VWDE: variants seen among roughly 807,000 people sequenced by gnomAD.
VWDE encodes von Willebrand factor D and EGF domain-containing protein.
In VWDE, 207 loss-of-function variants were observed where a neutral mutation model predicts 178.4. The observed-to-expected ratio is 1.16, with a 90% CI of 1.04 to 1.30. The LOEUF is 1.30. Among genes scored for constraint, VWDE ranks in the 50% most tolerant of loss-of-function variants. VWDE has a pLI of 0.00. For missense variants in VWDE, 2,287 were observed against 1,901.3 expected (o/e 1.20, Z -3.77); for synonymous variants, 738 against 651.4 (o/e 1.13, Z -2.02).
intron 4 of VWDE, among the ~76,000 whole-genome samples, chr7:12,381,269 G>C (rs1222097081): frequency 6.6e-6 from 1 of 152,074 alleles, no homozygotes; most frequent in African/African-American, 2.4e-5. Flanking sequence ...AAAGAAATTT[G>C]AAGTTTCCTC....
Position 12,336,239 on chromosome 7 carries a change from G to A in VWDE, c.4559-3C>T, listed in dbSNP as rs778922464. The A allele has an allele frequency of 1.3e-6, 2 of 1,550,156 alleles. No homozygotes were observed. Among genetic ancestry groups the A allele is most frequent in the South Asian group, 1.2e-5 (1 of 83,882 alleles). On this transcript the variant is annotated splice_region_variant and splice_polypyrimidine_tract_variant and intron_variant, in intron 26 of 28. Transcript: ENST00000275358. ...TTTACATTTCTGCAAGCAGATAGCT[G>A]CCAATCGAAATATAAACAAGTTAAA... is the stretch of plus-strand genomic sequence containing the variant.
intron 13 of VWDE, among the ~76,000 whole-genome samples, chr7:12,366,601 A>C (rs1427580314): frequency 6.6e-6 from 1 of 152,144 alleles, no homozygotes. Context: ...ACTTGTGTTT[A>C]ACTACTTGAT....
At chr7:12,400,813 T>G (rs1191455380) in intron 1 of VWDE, among the ~76,000 whole-genome samples, 1 of 151,654 alleles carries the variant, frequency 6.6e-6, no homozygotes, top group Admixed American at 6.6e-5. Context: ...AGTGAAAAAA[T>G]TTTCAGCAAA....
At chr7:12,402,371 A>G (rs1468533250) in intron 1 of VWDE, among the ~76,000 whole-genome samples, 3 of 152,236 alleles carry the variant, frequency 2.0e-5, no homozygotes, top group South Asian at 4.1e-4. Context: ...AGAAGTCTCA[A>G]TAAATGCATT....
At position 12,372,568 on chromosome 7, in the gene VWDE, A is replaced by T. The variant is rs140247620; in HGVS notation, c.1587+409T>A. Among the ~76,000 whole-genome samples, 1,380 of 152,204 alleles carry T rather than the reference A, an allele frequency of 9.1e-3. 26 individuals are homozygous for T. The highest frequency in any genetic ancestry group is 0.032 in the African/African-American group (1,329 of 41,556). On this transcript the variant is annotated intron_variant, in intron 10 of 28. Coordinates refer to ENST00000275358, the MANE Select transcript of VWDE (RefSeq NM_001135924.3). ...AAGAATTAAAAATATTAGTGAATAT[A>T]TAATCTTAGGTTTGTTTCCTGACTT...
intron 4 of VWDE, among the ~76,000 whole-genome samples, chr7:12,382,621 A>C (rs1783909601): frequency 6.6e-6 from 1 of 151,918 alleles, no homozygotes; most frequent in Non-Finnish European, 1.5e-5. Context: ...TATTTTATGT[A>C]TTTATGGCTT....
intron 12 of VWDE, among the ~76,000 whole-genome samples, chr7:12,368,737 A>G (rs1400943792): frequency 1.3e-5 from 2 of 152,162 alleles, no homozygotes; most frequent in African/African-American, 4.8e-5. Flanking sequence ...CTGCACAGAA[A>G]TTTAGTTTTG....
intron 19 of VWDE, among the ~76,000 whole-genome samples, chr7:12,345,028 C>T (rs76203262): frequency 0.013 from 2,001 of 152,082 alleles, 99 homozygotes; most frequent in Admixed American, 0.093. Context: ...GTTTTCTCAT[C>T]TGTATAATGG....
intron 16 of VWDE, among the ~76,000 whole-genome samples, chr7:12,358,394 G>A (rs150661674): frequency 4.6e-5 from 7 of 151,402 alleles, no homozygotes; most frequent in Non-Finnish European, 7.4e-5. Context: ...AGGTGGGGGG[G>A]GCTATTTTAG....
intron 7 of VWDE, among the ~76,000 whole-genome samples, chr7:12,377,385 T>A (rs529059206): frequency 1.5e-4 from 23 of 152,150 alleles, no homozygotes; most frequent in Non-Finnish European, 3.1e-4. Context: ...ACTTATCAAA[T>A]GTCTCTCATT....
At chr7:12,340,587 T>A (rs750620575) in intron 23 of VWDE, among the ~76,000 whole-genome samples, 170 bp from the exon 24 acceptor site, 1 of 152,216 alleles carries the variant, frequency 6.6e-6, no homozygotes, top group Non-Finnish European at 1.5e-5. Flanking sequence ...ATGAAATTAC[T>A]GGATAATCGC....
Position 12,367,487 on chromosome 7 carries a change from G to T in VWDE, c.2768C>A (p.Ala923Asp), listed in dbSNP as rs1562491101. Residue 923 changes from alanine to aspartate, a missense_variant, in exon 13 of 29, where the codon GCT (alanine) becomes GAT (aspartate). Coordinates refer to ENST00000275358, the MANE Select transcript of VWDE (RefSeq NM_001135924.3). ...SYDCSDSYDK[A>D]PEITELGNAG... ...ATTCCCAAGCTCTGTAATTTCAGGA[G>T]CTTTGTCTTTGGAAAAAAAATATAA... 1 of 1,497,182 alleles carries T rather than the reference G, an allele frequency of 6.7e-7. No homozygotes were observed. The highest frequency in any genetic ancestry group is 8.9e-7 in the Non-Finnish European group (1 of 1,124,480). The allele number at this position is 1,497,182 out of a possible 1,614,324, so 92.7% of individuals were successfully genotyped here. A position where few individuals can be genotyped will look rare whatever the true frequency, so the allele number is the denominator to read the frequency against.
At chr7:12,384,952 TG>T (rs925960232) in intron 3 of VWDE, among the ~76,000 whole-genome samples, 4 of 151,856 alleles carry the variant, frequency 2.6e-5, no homozygotes, top group African/African-American at 9.7e-5. Context: ...ATTGATATGA[TG>T]CTACTTCACA....
chr7:12,348,862 G>T (rs1562471453), intron 19 of VWDE, among the ~76,000 whole-genome samples: 5 of 151,664 alleles, frequency 3.3e-5, no homozygotes, highest in Admixed American at 1.3e-4. Flanking sequence ...TTAAGAAAAT[G>T]TGGCACATAT....
chr7:12,380,719 A>C lies in VWDE; in HGVS notation c.556T>G (p.Ser186Ala). 6.4e-7 allele frequency: 1 copy of C among 1,551,800 alleles called. No individual in the cohort carries two copies. The highest frequency in any genetic ancestry group is 8.7e-7 in the Non-Finnish European group (1 of 1,146,986). The change falls in exon 5 of 29, where the codon TCA becomes GCA. Residue 186 changes from serine to alanine, a missense_variant. Physicochemically the swap from Ser to Ala is moderately conservative, Grantham distance 99 (BLOSUM62 1). Coordinates refer to ENST00000275358, the MANE Select transcript of VWDE (RefSeq NM_001135924.3). The part of the protein sequence containing the change: ...GGDCVRQLAA[S>A]LPPPPAGRPE... ...CTTCCTGCAGGTGGAGGTGGCAATG[A>C]GGCAGCCAGCTGACCTGGGGAGAAA... is the stretch of plus-strand genomic sequence containing the variant.
At chr7:12,387,934 A>G (rs1784186266) in intron 3 of VWDE, among the ~76,000 whole-genome samples, 1 of 152,166 alleles carries the variant, frequency 6.6e-6, no homozygotes, top group Admixed American at 6.5e-5. Flanking sequence ...TCTTCCACAA[A>G]TGTTAACATA....
chr7:12,389,039 C>A, intron 3 of VWDE, 88 bp downstream of exon 3: 1 of 937,138 alleles, frequency 1.1e-6, no homozygotes, highest in Non-Finnish European at 1.7e-6. Flanking sequence ...CTGAGATTTG[C>A]ACTAACTCAA....
intron 27 of VWDE, among the ~76,000 whole-genome samples, chr7:12,334,138 C>A (rs1562455585): frequency 6.6e-6 from 1 of 152,054 alleles, no homozygotes; most frequent in Non-Finnish European, 1.5e-5. Context: ...ATATCTCAAT[C>A]TATTTATCAT....
chr7:12,351,733 A>G lies in VWDE; in HGVS notation c.3746-20T>C. On this transcript the variant is annotated intron_variant, in intron 18 of 28. Transcript: ENST00000275358. The stretch of plus-strand genomic sequence containing the variant: ...TTTCAACTGTAAATGAGAACAAGGA[A>G]AACAGATTAGACTTAAACTATTAGA... 6.5e-7 allele frequency: 1 copy of G among 1,529,082 alleles called. No homozygotes were observed. The highest frequency in any genetic ancestry group is 1.3e-5 in the South Asian group (1 of 79,728). The allele number at this position is 1,529,082 out of a possible 1,614,324, so 94.7% of individuals were successfully genotyped here.
Sources: allele counts gnomAD v4.1 joint callset (sites outside exome capture counted in the v4.1 genomes callset), GRCh38; gene constraint gnomAD v4.1.1; transcripts MANE v1.5; gene names NCBI Gene and HGNC (gene_info 2026-07-23, HGNC 2026-07-21).